MAP4K4: variants seen among roughly 807,000 people sequenced by gnomAD.
The protein encoded by MAP4K4 is HPK/GCK-like kinase HGK.
A neutral mutation model predicts 189.6 loss-of-function variants in MAP4K4; 38 were observed. The ratio of observed to expected loss-of-function variants is 0.20; its 90% confidence interval spans 0.15 to 0.26. The LOEUF (loss-of-function observed/expected upper bound fraction) is 0.26, where lower values mean the gene tolerates loss of function less well. Among genes scored for constraint, MAP4K4 ranks in the 10% least tolerant of loss-of-function variants. The pLI, the probability that MAP4K4 is intolerant of heterozygous loss-of-function variation, is 1.00. For synonymous variants in MAP4K4, 610 were observed against 624.3 expected, an observed-to-expected ratio of 0.98 and a Z score of 0.34; for missense variants, 1,054 against 1,726.9, an observed-to-expected ratio of 0.61 and a Z score of 6.91.
intron 9 of MAP4K4, among the ~76,000 whole-genome samples, chr2:101,836,848 C>G (rs1042475463): frequency 6.6e-6 from 1 of 152,062 alleles, no homozygotes; most frequent in Non-Finnish European, 1.5e-5. Context: ...GGATGACTTT[C>G]CCTGAGAAAA....
intron 2 of MAP4K4, among the ~76,000 whole-genome samples, chr2:101,704,873 T>G (rs1341509647): frequency 2.0e-5 from 3 of 152,130 alleles, no homozygotes; most frequent in African/African-American, 7.2e-5. Context: ...TTATTACCAG[T>G]GACCATTGTG....
intron 2 of MAP4K4, among the ~76,000 whole-genome samples, chr2:101,713,230 C>T (rs1006835236): frequency 6.6e-6 from 1 of 151,782 alleles, no homozygotes. Flanking sequence ...CTTGATTGTG[C>T]TTAAAATATT....
At chr2:101,877,470 A>G (rs891525756) in intron 27 of MAP4K4, among the ~76,000 whole-genome samples, 1 of 134,932 alleles carries the variant, frequency 7.4e-6, no homozygotes, top group African/African-American at 2.9e-5. Flanking sequence ...ACTCCTTTCC[A>G]CCAGACTTTT....
chr2:101,877,792 C>G (rs1205101093), intron 27 of MAP4K4, among the ~76,000 whole-genome samples: 2 of 151,986 alleles, frequency 1.3e-5, no homozygotes, highest in African/African-American at 4.8e-5. Flanking sequence ...CTCTGTCACC[C>G]AGGCTGGAGT....
chr2:101,835,838 C>T, intron 8 of MAP4K4, 62 bp from the exon 9 acceptor site: 1 of 1,105,852 alleles, frequency 9.0e-7, no homozygotes, highest in Non-Finnish European at 1.4e-6. Context: ...TATGACTGAA[C>T]CCTAGAAATC....
At chr2:101,880,101 GAT>G (rs951329782) in intron 27 of MAP4K4, among the ~76,000 whole-genome samples, 2 of 152,106 alleles carry the variant, frequency 1.3e-5, no homozygotes, top group Non-Finnish European at 1.5e-5. Flanking sequence ...TTTCTGATGA[GAT>G]ATGTGTTTTG....
chr2:101,783,335 T>G (rs2088785285), intron 2 of MAP4K4, among the ~76,000 whole-genome samples: 1 of 152,112 alleles, frequency 6.6e-6, no homozygotes, highest in African/African-American at 2.4e-5. Context: ...GAATCTAACC[T>G]TCACACACCA....
At chr2:101,851,562 A>AT (rs1160694779) in intron 12 of MAP4K4, among the ~76,000 whole-genome samples, 2 of 151,998 alleles carry the variant, frequency 1.3e-5, no homozygotes, top group Non-Finnish European at 2.9e-5. Flanking sequence ...GACTTTCTTA[A>AT]TTTTTTAATG....
intron 14 of MAP4K4, 146 bp from the exon 15 acceptor site, chr2:101,859,497 G>T: frequency 1.6e-6 from 1 of 633,192 alleles, no homozygotes; most frequent in Non-Finnish European, 2.8e-6. Flanking sequence ...CAGGTAATGT[G>T]CTATTTAAAA....
intron 24 of MAP4K4, 100 bp from the exon 25 acceptor site, chr2:101,873,547 T>C: frequency 1.5e-6 from 1 of 680,286 alleles, no homozygotes; most frequent in Non-Finnish European, 2.5e-6. Flanking sequence ...GAGCAAAGTA[T>C]TGGGAAATAG....
At chr2:101,780,853 CTAAT>C (rs2086965272) in intron 2 of MAP4K4, among the ~76,000 whole-genome samples, 1 of 152,184 alleles carries the variant, frequency 6.6e-6, no homozygotes, top group South Asian at 2.1e-4. Flanking sequence ...ACCATATTGA[CTAAT>C]TACTTGGCTG....
intron 2 of MAP4K4, among the ~76,000 whole-genome samples, chr2:101,771,413 C>T (rs552187506): frequency 2.5e-4 from 38 of 152,214 alleles, no homozygotes; most frequent in African/African-American, 9.1e-4. Context: ...AGTTGCATTC[C>T]CCTTTTCTGT....
intron 32 of MAP4K4, among the ~76,000 whole-genome samples, chr2:101,890,204 GGTT>G (rs1354083773): frequency 2.0e-5 from 3 of 152,138 alleles, no homozygotes; most frequent in African/African-American, 4.8e-5. Flanking sequence ...AAAGAAATTA[GGTT>G]GTTAAGGAGT....
intron 3 of MAP4K4, among the ~76,000 whole-genome samples, chr2:101,815,528 C>A (rs1173921795): frequency 6.6e-6 from 1 of 152,062 alleles, no homozygotes. Flanking sequence ...TCTTTCCCCC[C>A]CTCTCTCATA....
intron 2 of MAP4K4, among the ~76,000 whole-genome samples, chr2:101,740,170 T>TATA (rs2062036279): frequency 9.1e-5 from 11 of 120,916 alleles, no homozygotes; most frequent in African/African-American, 1.7e-4. Context: ...TTTTTTTTTT[T>TATA]TGAGACGGAG....
intron 2 of MAP4K4, among the ~76,000 whole-genome samples, chr2:101,700,008 AT>A (rs528712583): frequency 2.6e-5 from 4 of 151,940 alleles, no homozygotes; most frequent in Non-Finnish European, 5.9e-5. Flanking sequence ...AGCACCAGTC[AT>A]TTTTTTTCTA....
chr2:101,761,693 T>C (rs137926630), intron 2 of MAP4K4, among the ~76,000 whole-genome samples: 73 of 152,076 alleles, frequency 4.8e-4, no homozygotes, highest in Admixed American at 2.0e-3. Flanking sequence ...GTAGCTGGGA[T>C]TACAGGTGCA....
exon 19 of MAP4K4, chr2:101,866,447 C>T: frequency 6.2e-7 from 1 of 1,613,282 alleles, no homozygotes; most frequent in Non-Finnish European, 8.5e-7. Flanking sequence ...GCCCAGGCTT[C>T]TGTGGGAGAG....
chr2:101,849,297 A>T (rs1401837528), intron 12 of MAP4K4, among the ~76,000 whole-genome samples: 2 of 151,828 alleles, frequency 1.3e-5, no homozygotes, highest in East Asian at 3.9e-4. Flanking sequence ...TAATTTTTGT[A>T]TTTTTTGTTT....
Sources: allele counts gnomAD v4.1 joint callset (sites outside exome capture counted in the v4.1 genomes callset), GRCh38; gene constraint gnomAD v4.1.1; transcripts MANE v1.5; gene names NCBI Gene and HGNC (gene_info 2026-07-23, HGNC 2026-07-21).